XKR9: variants seen among roughly 807,000 people sequenced by gnomAD.
The protein encoded by XKR9 is XK-related protein 9.
XKR9 carries 32 observed loss-of-function variants against 32.0 expected under a neutral mutation model. The observed-to-expected ratio is 1.00, with a 90% CI of 0.76 to 1.34. The LOEUF (loss-of-function observed/expected upper bound fraction) is 1.34. Among genes scored for constraint, XKR9 ranks in the 40% most tolerant of loss-of-function variants. The pLI is 0.00. For synonymous variants in XKR9, 168 were observed against 143.4 expected (o/e 1.17, Z -1.22); for missense variants, 546 against 429.7 (o/e 1.27, Z -2.39).
At chr8:70,994,613 G>A in the XKR9 span, among the ~76,000 whole-genome samples, 2 of 151,978 alleles carry the variant, frequency 1.3e-5, no homozygotes, top group Non-Finnish European at 2.9e-5. Context: ...TGGATATGAA[G>A]TTTGGTGTTT....
intron 3 of XKR9, 137 bp downstream of exon 3, chr8:70,681,467 A>G (rs1020599653): frequency 2.8e-6 from 3 of 1,053,706 alleles, no homozygotes; most frequent in African/African-American, 3.2e-5. Context: ...GCTCCTCACT[A>G]TTGTGCTAAT....
intron 3 of XKR9, among the ~76,000 whole-genome samples, chr8:70,704,106 C>T (rs900210126): frequency 1.2e-4 from 18 of 152,110 alleles, no homozygotes; most frequent in South Asian, 2.1e-4. Context: ...GGTGTGAACC[C>T]GGGAGGTGGA....
At chr8:70,801,172 GTTTGCTTCCATTCAACTCTGTCT>G in the XKR9 span, among the ~76,000 whole-genome samples, 1 of 151,910 alleles carries the variant, frequency 6.6e-6, no homozygotes, top group Admixed American at 6.6e-5. Flanking sequence ...TCATGTCTCA[GTTTGCTTCCATTCAACTCTGTCT>G]TTTGCTACCT....
At chr8:70,806,224 G>T in the XKR9 span, among the ~76,000 whole-genome samples, 4 of 152,056 alleles carry the variant, frequency 2.6e-5, no homozygotes, top group African/African-American at 9.7e-5. Context: ...CAATAGCATC[G>T]ACAACAACAA....
chr8:70,989,085 C>T, the XKR9 span, among the ~76,000 whole-genome samples: 2 of 152,154 alleles, frequency 1.3e-5, no homozygotes, highest in Admixed American at 6.5e-5. Context: ...TGGGTTGCTT[C>T]TACCTCTTGG....
At chr8:71,032,109 T>A in the XKR9 span, among the ~76,000 whole-genome samples, 1 of 151,730 alleles carries the variant, frequency 6.6e-6, no homozygotes, top group Non-Finnish European at 1.5e-5. Flanking sequence ...GCCTGGCCAA[T>A]GTGGTGAAAT....
chr8:70,822,867 G>C, the XKR9 span, among the ~76,000 whole-genome samples: 1 of 152,080 alleles, frequency 6.6e-6, no homozygotes, highest in Non-Finnish European at 1.5e-5. Flanking sequence ...GACATTATCA[G>C]ATAAACAGAG....
intron 2 of XKR9, among the ~76,000 whole-genome samples, chr8:70,742,088 C>A (rs568869963): frequency 1.3e-5 from 2 of 151,738 alleles, no homozygotes; most frequent in Non-Finnish European, 2.9e-5. Context: ...GCTTATTGGC[C>A]ATTCATATAT....
intron 3 of XKR9, among the ~76,000 whole-genome samples, chr8:70,695,127 T>C (rs1805215341): frequency 2.8e-5 from 3 of 106,330 alleles, no homozygotes; most frequent in Admixed American, 2.6e-4. Context: ...GCCTTGTTTT[T>C]CTTTTTTTTT....
Position 70,681,107 on chromosome 8 carries a change from A to G in XKR9, c.49A>G (p.Ile17Val). ...TATGATGTCAGTTCTTGGCATTATA[A>G]TCTACGTAACTGATTTAATTGTGGA... Reference protein sequence around the residue: ...NFMMSVLGIIIYVTDLIVDIW... With the variant: ...NFMMSVLGIIVYVTDLIVDIW... Residue 17 changes from isoleucine to valine, a missense_variant, in exon 3 of 5, where the codon ATC (isoleucine) becomes GTC (valine). Coordinates refer to ENST00000408926, the MANE Select transcript of XKR9 (RefSeq NM_001011720.2). 1 of 1,613,336 alleles carries G rather than the reference A, an allele frequency of 6.2e-7. No homozygotes were observed. The highest frequency in any genetic ancestry group is 1.7e-4 in the Middle Eastern group (1 of 6,052).
intron 2 of XKR9, among the ~76,000 whole-genome samples, chr8:70,778,207 C>T (rs1807560459): frequency 6.6e-6 from 1 of 152,116 alleles, no homozygotes; most frequent in African/African-American, 2.4e-5. Context: ...ATAGGGAATC[C>T]TTTCCCCATT....
intron 3 of XKR9, among the ~76,000 whole-genome samples, chr8:70,699,701 C>T (rs1191208995): frequency 6.6e-6 from 1 of 152,114 alleles, no homozygotes; most frequent in African/African-American, 2.4e-5. Context: ...GTGGTGTTCT[C>T]TGTATTTCCT....
At chr8:70,808,052 A>T in the XKR9 span, among the ~76,000 whole-genome samples, 5 of 152,138 alleles carry the variant, frequency 3.3e-5, no homozygotes, top group Non-Finnish European at 7.4e-5. Context: ...AACCTCTAAA[A>T]TCATAAGCAA....
At chr8:70,850,463 CAAAAAA>C in the XKR9 span, among the ~76,000 whole-genome samples, 115 of 73,974 alleles carry the variant, frequency 1.6e-3, 3 homozygotes, top group East Asian at 0.045. Flanking sequence ...GACTCCTTCT[CAAAAAA>C]AAAAAAAAAA....
chr8:70,847,410 A>T, the XKR9 span, among the ~76,000 whole-genome samples: 12 of 152,054 alleles, frequency 7.9e-5, no homozygotes, highest in Non-Finnish European at 4.4e-5. Flanking sequence ...TGTAATATAT[A>T]ATGTGCCCCA....
At chr8:70,962,442 T>C in the XKR9 span, among the ~76,000 whole-genome samples, 1 of 152,220 alleles carries the variant, frequency 6.6e-6, no homozygotes, top group South Asian at 2.1e-4. Context: ...CTGCCACTTA[T>C]AAGTGAGAAC....
the XKR9 span, among the ~76,000 whole-genome samples, chr8:71,040,308 G>A: frequency 1.1e-4 from 16 of 152,232 alleles, no homozygotes; most frequent in South Asian, 1.4e-3. Context: ...TATTCACCAG[G>A]ATCTTGTGCA....
the XKR9 span, among the ~76,000 whole-genome samples, chr8:70,879,937 C>T: frequency 2.0e-5 from 3 of 152,114 alleles, no homozygotes; most frequent in East Asian, 1.9e-4. Context: ...ACGATCGAAT[C>T]GGCTTCATCC....
At chr8:70,822,440 A>G in the XKR9 span, among the ~76,000 whole-genome samples, 4 of 151,970 alleles carry the variant, frequency 2.6e-5, no homozygotes, top group Admixed American at 2.6e-4. Flanking sequence ...GTGGTCAAGC[A>G]GAAGATGGAC....
Sources: gnomAD v4.1 joint callset for allele counts (sites outside exome capture counted in the v4.1 genomes callset) on GRCh38, gnomAD v4.1.1 for gene constraint, MANE v1.5 for transcripts, NCBI Gene and HGNC (gene_info 2026-07-23, HGNC 2026-07-21) for gene names.